Variants in AFAP1L2 observed in about 807,000 individuals in gnomAD.
The protein encoded by AFAP1L2 is actin filament-associated protein 1-like 2.
A neutral mutation model predicts 99.3 loss-of-function variants in AFAP1L2; 46 were observed. That is an observed-to-expected ratio of 0.46 (90% CI 0.37 to 0.59). AFAP1L2 has a LOEUF of 0.59. Ranked by LOEUF, AFAP1L2 falls within the 20% of genes least tolerant of loss-of-function variation. The pLI, the probability that AFAP1L2 is intolerant of heterozygous loss-of-function variation, is 0.00. For synonymous variants in AFAP1L2, 397 were observed against 419.1 expected (o/e 0.95, Z 0.64); for missense variants, 959 against 1,034.9 (o/e 0.93, Z 1.01).
chr10:114,398,852 C>A, intron 1 of AFAP1L2: 2 of 1,304,304 alleles, frequency 1.5e-6, no homozygotes, highest in Non-Finnish European at 2.0e-6. Context: ...CATACTCACA[C>A]GCAGAAACCT....
chr10:114,357,334 T>C (rs1177287101), intron 1 of AFAP1L2, among the ~76,000 whole-genome samples: 5 of 152,208 alleles, frequency 3.3e-5, no homozygotes. Flanking sequence ...TAGCTACTCT[T>C]TCTCTGGTGT....
At chr10:114,350,392 T>A (rs2050280842) in intron 1 of AFAP1L2, among the ~76,000 whole-genome samples, 1 of 152,242 alleles carries the variant, frequency 6.6e-6, no homozygotes, top group Non-Finnish European at 1.5e-5. Context: ...AACTTCTGTG[T>A]GGGTAGGGAC....
intron 4 of AFAP1L2, chr10:114,326,066 G>C (rs1456881806): frequency 1.6e-6 from 2 of 1,282,760 alleles, no homozygotes; most frequent in South Asian, 1.2e-5. Context: ...ACAAAGGGAG[G>C]AGTGAACCCT....
At chr10:114,385,079 T>C (rs892570255) in intron 1 of AFAP1L2, among the ~76,000 whole-genome samples, 1 of 152,102 alleles carries the variant, frequency 6.6e-6, no homozygotes, top group African/African-American at 2.4e-5. Flanking sequence ...CAGGGCTGGC[T>C]TCCAGGAGGA....
At chr10:114,288,655 C>T in the AFAP1L2 span, among the ~76,000 whole-genome samples, 2 of 152,340 alleles carry the variant, frequency 1.3e-5, no homozygotes, top group South Asian at 4.1e-4. Flanking sequence ...CTTCCAGCTG[C>T]ATGAGTTTGA....
intron 1 of AFAP1L2, among the ~76,000 whole-genome samples, chr10:114,359,060 A>G (rs1222851548): frequency 1.3e-5 from 2 of 152,232 alleles, no homozygotes; most frequent in African/African-American, 4.8e-5. Context: ...TGATCAAATC[A>G]TATCCTCTGA....
intron 7 of AFAP1L2, among the ~76,000 whole-genome samples, chr10:114,311,276 T>C (rs1031583372): frequency 6.6e-6 from 1 of 152,222 alleles, no homozygotes; most frequent in South Asian, 2.1e-4. Context: ...CCAGGGGCAC[T>C]CCCTTCTTGC....
intron 1 of AFAP1L2, chr10:114,398,762 C>T: frequency 1.4e-5 from 17 of 1,207,108 alleles, no homozygotes; most frequent in Non-Finnish European, 1.9e-5. Flanking sequence ...ACCATCCACC[C>T]AGAGCATGGG....
At chr10:114,347,644 G>A (rs1235490204) in intron 1 of AFAP1L2, among the ~76,000 whole-genome samples, 1 of 151,984 alleles carries the variant, frequency 6.6e-6, no homozygotes, top group African/African-American at 2.4e-5. Flanking sequence ...TCAAGTAGCT[G>A]GGACTATAGG....
chr10:114,382,207 A>G (rs973670877), intron 1 of AFAP1L2, among the ~76,000 whole-genome samples: 67 of 152,184 alleles, frequency 4.4e-4, no homozygotes, highest in African/African-American at 1.6e-3. Flanking sequence ...AATAACCTAC[A>G]TGCAAGGCAA....
At chr10:114,328,947 C>T (rs569800622) in intron 4 of AFAP1L2, among the ~76,000 whole-genome samples, 4 of 152,326 alleles carry the variant, frequency 2.6e-5, no homozygotes, top group Admixed American at 6.5e-5. Context: ...CCAGGGGACT[C>T]GCAGTCCACA....
chr10:114,302,395 G>A lies in AFAP1L2; in HGVS notation c.1374C>T (p.Asp458=), dbSNP rs566541804. Residue 458 remains aspartate (D), a synonymous_variant, in exon 12 of 19, where the codon GAC becomes GAT. Transcript: ENST00000304129. ...AGGAGACCCTATCGGCATCCACATAGTCGTAGGTGAACTCTTCTGGGTCTG... is the reference window on the plus strand; with the variant it reads ...AGGAGACCCTATCGGCATCCACATAATCGTAGGTGAACTCTTCTGGGTCTG... ...SKTDPEEFTY[D]YVDADRVSCI... is the part of the protein sequence containing the mutation. 476 of 1,614,154 alleles carry A rather than the reference G, an allele frequency of 2.9e-4. 4 individuals are homozygous for A. The South Asian group carries it at 4.9e-3, about 17-fold the overall frequency.
At chr10:114,301,587 GGGGCTGACACTCACCTCCATGGATCTGA>G in intron 12 of AFAP1L2, 122 bp from the exon 13 acceptor site, 1 of 699,366 alleles carries the variant, frequency 1.4e-6, no homozygotes, top group Non-Finnish European at 2.6e-6. Context: ...AAGAGATCTG[GGGGCTGACACTCACCTCCATGGATCTGA>G]GGGCACCTCC....
rs568003313 is a variant in AFAP1L2 at position 114,298,680 on chromosome 10, C to T, written c.2113+580G>A. 5.3e-5 allele frequency among the ~76,000 whole-genome samples: 8 copies of T among 152,258 alleles called. No homozygotes were observed. The South Asian group carries it at 1.7e-3, about 32-fold the overall frequency. On this transcript the variant is annotated intron_variant, in intron 16 of 18. Transcript: ENST00000304129. ...CCTGGGCAACATTGCAAGACCCCATCTCAATATTTTTTTAATTTTGAAATT... is the reference window on the plus strand; with the variant it reads ...CCTGGGCAACATTGCAAGACCCCATTTCAATATTTTTTTAATTTTGAAATT...
At chr10:114,284,760 G>T in the AFAP1L2 span, 4 of 1,087,598 alleles carry the variant, frequency 3.7e-6, no homozygotes, top group East Asian at 2.9e-5. Context: ...GAGGGGCTGG[G>T]CCACTGCTAG....
At chr10:114,283,788 C>G in the AFAP1L2 span, among the ~76,000 whole-genome samples, 1 of 152,228 alleles carries the variant, frequency 6.6e-6, no homozygotes, top group African/African-American at 2.4e-5. Flanking sequence ...TCTCAGTGAG[C>G]CCCCAGCTAT....
chr10:114,374,022 C>G (rs494133), intron 1 of AFAP1L2, among the ~76,000 whole-genome samples: 4 of 152,056 alleles, frequency 2.6e-5, no homozygotes, highest in Non-Finnish European at 5.9e-5. Context: ...CCTGCCTTCA[C>G]GGACCTTCTG....
intron 5 of AFAP1L2, among the ~76,000 whole-genome samples, chr10:114,321,360 G>A (rs2045281753): frequency 6.6e-6 from 1 of 152,022 alleles, no homozygotes; most frequent in Admixed American, 6.5e-5. Flanking sequence ...TAAGATATTT[G>A]GTTTTTCATC....
At chr10:114,350,608 T>C (rs1196946706) in intron 1 of AFAP1L2, among the ~76,000 whole-genome samples, 1 of 152,272 alleles carries the variant, frequency 6.6e-6, no homozygotes, top group East Asian at 1.9e-4. Context: ...ACAAGTCCCA[T>C]CTGGGCCAGT....
Sources: allele counts gnomAD v4.1 joint callset (sites outside exome capture counted in the v4.1 genomes callset), GRCh38; gene constraint gnomAD v4.1.1; transcripts MANE v1.5; gene names NCBI Gene and HGNC (gene_info 2026-07-23, HGNC 2026-07-21).